Variants in PPP2R3B observed in about 807,000 individuals in gnomAD.
PPP2R3B encodes protein phosphatase 2 regulatory subunit B''beta.
Under a neutral mutation model 72.9 loss-of-function variants are expected in PPP2R3B, and 68 were observed. The observed-to-expected ratio is 0.93, with a 90% CI of 0.77 to 1.14. The LOEUF (loss-of-function observed/expected upper bound fraction) is 1.14, where lower values mean the gene tolerates loss of function less well. Among genes scored for constraint, PPP2R3B ranks in the 50% most tolerant of loss-of-function variants. The pLI is 0.00. For missense variants in PPP2R3B, 1,018 were observed against 842.0 expected, an observed-to-expected ratio of 1.21 and a Z score of -2.59; for synonymous variants, 466 against 375.8, an observed-to-expected ratio of 1.24 and a Z score of -2.78.
At chrX:353,156 C>A (rs2071365094) in intron 2 of PPP2R3B, among the ~76,000 whole-genome samples, 1 of 151,950 alleles carries the variant, frequency 6.6e-6, no homozygotes, top group South Asian at 2.1e-4. Context: ...GGTGGATCAC[C>A]CGAGGTCAAG....
At chrX:352,750 G>A (rs2071356936) in intron 2 of PPP2R3B, among the ~76,000 whole-genome samples, 1 of 152,068 alleles carries the variant, frequency 6.6e-6, no homozygotes, top group Admixed American at 6.6e-5. Context: ...AGGTGTGAGA[G>A]GAGAAAGGAG....
At chrX:348,228 C>G (rs1341062077) in intron 2 of PPP2R3B, among the ~76,000 whole-genome samples, 1 of 152,112 alleles carries the variant, frequency 6.6e-6, no homozygotes, top group Non-Finnish European at 1.5e-5. Flanking sequence ...TAAATAGTAA[C>G]AGAAAATCAA....
intron 8 of PPP2R3B, 198 bp downstream of exon 8, chrX:341,685 G>C (rs2071080891): frequency 2.9e-6 from 2 of 697,944 alleles, no homozygotes; most frequent in African/African-American, 1.8e-5. Flanking sequence ...CCCTTCCTCA[G>C]ACTTCGCGTG....
At chrX:374,688 C>G (rs1334141159) in intron 1 of PPP2R3B, among the ~76,000 whole-genome samples, 2 of 152,172 alleles carry the variant, frequency 1.3e-5, no homozygotes, top group African/African-American at 4.8e-5. Flanking sequence ...TCCCGGGTCC[C>G]CGATCAGGAA....
rs149777714 is a variant in PPP2R3B, at chrX:378,425, G to C, written c.324+7943C>G. Reference sequence around the variant, plus strand: ...ACATAATGGCTTTTCTGAAATCCCAGATTTGAAAGGCTTACGAAGGCGACC... The same window carrying C: ...ACATAATGGCTTTTCTGAAATCCCACATTTGAAAGGCTTACGAAGGCGACC... On this transcript the variant is annotated intron_variant, in intron 1 of 12. Transcript: ENST00000390665. Among the ~76,000 whole-genome samples the C allele has an allele frequency of 8.5e-3, 1,294 of 152,302 alleles. 23 individuals are homozygous for C. The highest frequency in any genetic ancestry group is 0.029 in the African/African-American group (1,211 of 41,564).
rs761280556 is a variant in PPP2R3B at position 347,111 on chromosome X, C to T, written c.717+123G>A. The T allele has an allele frequency of 3.1e-5, 38 of 1,209,264 alleles. No homozygotes were observed. In the East Asian group the frequency reaches 5.5e-4, roughly 17 times the overall value. 74.9% of individuals were successfully genotyped at this position (1,209,264 alleles called of 1,614,324 possible). A position where few individuals can be genotyped will look rare whatever the true frequency, so the allele number is the denominator to read the frequency against. On this transcript the variant is annotated intron_variant, in intron 4 of 12. Coordinates refer to ENST00000390665, the MANE Select transcript of PPP2R3B (RefSeq NM_013239.5). ...CCTCCCATGAGGTGTGCGGTGTAGA[C>T]GCGGACCCTCCCGTGAGGGATGAGG...
intron 7 of PPP2R3B, among the ~76,000 whole-genome samples, chrX:344,527 C>G (rs118177730): frequency 0.052 from 7,993 of 152,308 alleles, 253 homozygotes; most frequent in East Asian, 0.092. Context: ...GCCCTGGGAC[C>G]GAGAGTGGGC....
intron 1 of PPP2R3B, chrX:374,017 G>C (rs1258996484): frequency 2.0e-5 from 3 of 152,542 alleles, no homozygotes; most frequent in African/African-American, 7.2e-5. Flanking sequence ...CGGGCAAGGG[G>C]GCGCTTTCTG....
At chrX:349,706 G>A (rs1253215958) in intron 2 of PPP2R3B, among the ~76,000 whole-genome samples, 1 of 152,132 alleles carries the variant, frequency 6.6e-6, no homozygotes, top group Non-Finnish European at 1.5e-5. Flanking sequence ...TCAATATACT[G>A]GCAACAAACA....
Position 373,708 on chromosome X carries a change from G to GGGGCA in PPP2R3B, c.325-12123_325-12119dup, listed in dbSNP as rs1477385182. 989 of 150,912 alleles carry GGGGCA rather than the reference G, an allele frequency of 6.6e-3. 9 individuals are homozygous for GGGGCA. Among genetic ancestry groups the GGGGCA allele is most frequent in the Middle Eastern group, 0.029 (9 of 310 alleles). The allele number at this position is 150,912 out of a possible 1,614,324, so 9.3% of individuals were successfully genotyped here. On this transcript the variant is annotated intron_variant, in intron 1 of 12. Coordinates refer to ENST00000390665, the MANE Select transcript of PPP2R3B (RefSeq NM_013239.5). Reference sequence around the variant, plus strand: ...GGGCCGGGCCGGGCGCCGCGCTCTCGGGGCAGGGCCGGGCCGGGGCCGGCG... The same window carrying GGGGCA: ...GGGCCGGGCCGGGCGCCGCGCTCTCGGGGCAGGGCAGGGCCGGGCCGGGGCCGGCG...
intron 1 of PPP2R3B, among the ~76,000 whole-genome samples, chrX:381,850 G>C (rs766108543): frequency 6.6e-6 from 1 of 151,882 alleles, no homozygotes; most frequent in African/African-American, 2.4e-5. Flanking sequence ...CGCCCGCCTC[G>C]GCCTCCCAAA....
intron 1 of PPP2R3B, among the ~76,000 whole-genome samples, chrX:363,078 G>C (rs1249948464): frequency 1.3e-5 from 2 of 152,076 alleles, no homozygotes; most frequent in Non-Finnish European, 2.9e-5. Flanking sequence ...GGCCGCCTCC[G>C]TGACCTGGGG....
At chrX:382,452 C>T (rs1365644175) in intron 1 of PPP2R3B, among the ~76,000 whole-genome samples, 2 of 152,036 alleles carry the variant, frequency 1.3e-5, no homozygotes, top group Admixed American at 1.3e-4. Flanking sequence ...TCCACCTCAG[C>T]CTCCCAAAGT....
intron 12 of PPP2R3B, chrX:338,081 G>C: frequency 5.8e-6 from 1 of 172,680 alleles, no homozygotes. Context: ...GTGAAGAGGG[G>C]GTGAAAACAT....
rs754689430 is a variant in PPP2R3B, at chrX:334,331, G to A, written c.*36C>T. On this transcript the variant is annotated 3_prime_UTR_variant, in exon 13 of 13. Transcript: ENST00000390665. ...CGCGGTGGCCCGGTGGTGGCACGTGGGGAGCGGCCCCGCGGCGGCGTTCTC... is the reference window on the plus strand; with the variant it reads ...CGCGGTGGCCCGGTGGTGGCACGTGAGGAGCGGCCCCGCGGCGGCGTTCTC... The A allele has an allele frequency of 6.9e-7, 1 of 1,449,642 alleles. No individual in the cohort carries two copies. The highest frequency in any genetic ancestry group is 2.6e-4 in the Middle Eastern group (1 of 3,812). 89.8% of individuals were successfully genotyped at this position (1,449,642 alleles called of 1,614,324 possible). A position where few individuals can be genotyped will look rare whatever the true frequency, so the allele number is the denominator to read the frequency against.
At chrX:380,471 C>T (rs187400520) in intron 1 of PPP2R3B, among the ~76,000 whole-genome samples, 109 of 152,202 alleles carry the variant, frequency 7.2e-4, no homozygotes, top group African/African-American at 2.5e-3. Flanking sequence ...GTCACCAGGC[C>T]GCAGGGAAAT....
intron 1 of PPP2R3B, among the ~76,000 whole-genome samples, chrX:370,064 G>A (rs2071824011): frequency 6.6e-6 from 1 of 152,196 alleles, no homozygotes; most frequent in African/African-American, 2.4e-5. Context: ...GACCCTCTGA[G>A]AGGGCTGGTA....
chrX:384,180 T>C (rs1250023113), intron 1 of PPP2R3B, among the ~76,000 whole-genome samples: 2 of 152,154 alleles, frequency 1.3e-5, no homozygotes, highest in African/African-American at 4.8e-5. Flanking sequence ...AAACTCGTTT[T>C]TGAGATTCAA....
intron 1 of PPP2R3B, among the ~76,000 whole-genome samples, chrX:362,949 C>G (rs1404096960): frequency 6.6e-6 from 1 of 151,982 alleles, no homozygotes; most frequent in Non-Finnish European, 1.5e-5. Flanking sequence ...ACCCTCACCC[C>G]AGGTCACAAG....
Sources: allele counts gnomAD v4.1 joint callset (sites outside exome capture counted in the v4.1 genomes callset), GRCh38; gene constraint gnomAD v4.1.1; transcripts MANE v1.5; gene names NCBI Gene and HGNC (gene_info 2026-07-23, HGNC 2026-07-21).